The following KCNK13 variants were observed in gnomAD, a reference collection of about 807,000 sequenced individuals.
The protein encoded by KCNK13 is potassium channel subfamily K member 13.
A neutral mutation model predicts 23.4 loss-of-function variants in KCNK13; 12 were observed. The ratio of observed to expected loss-of-function variants is 0.51; its 90% CI spans 0.33 to 0.83. The LOEUF (loss-of-function observed/expected upper bound fraction) is 0.83. Among genes scored for constraint, KCNK13 ranks in the 40% least tolerant of loss-of-function variants. The probability of loss-of-function intolerance (pLI) is 0.02; values close to 1 mark genes in which losing one functional copy is unlikely to be tolerated. For synonymous variants in KCNK13, 231 were observed against 229.5 expected (o/e 1.01, Z -0.06); for missense variants, 463 against 556.3 (o/e 0.83, Z 1.69).
Position 90,168,236 on chromosome 14 carries a change from T to C in KCNK13, c.335-15875T>C, listed in dbSNP as rs957744911. On this transcript the variant is annotated intron_variant, in intron 1 of 1. Transcript: ENST00000282146. ...AAAAGATACAAAAATTAGTCAGGCA[T>C]GGTGGTGTGTGCCTGTAGTCCCAGC... Among the ~76,000 whole-genome samples the C allele has an allele frequency of 2.6e-5, 4 of 152,100 alleles. No individual in the cohort carries two copies. The South Asian group carries it at 6.2e-4, about 24-fold the overall frequency.
intron 1 of KCNK13, among the ~76,000 whole-genome samples, chr14:90,135,226 A>G (rs1307356447): frequency 6.6e-6 from 1 of 152,222 alleles, no homozygotes; most frequent in Non-Finnish European, 1.5e-5. Context: ...AGTGGGTTTC[A>G]TGAAAGAAAA....
chr14:90,163,775 C>T lies in KCNK13; in HGVS notation c.335-20336C>T, dbSNP rs560188939. Among the ~76,000 whole-genome samples, 650 of 152,268 alleles carry T rather than the reference C, an allele frequency of 4.3e-3. 9 individuals are homozygous for T. Among genetic ancestry groups the T allele is most frequent in the Middle Eastern group, 0.01 (3 of 294 alleles). On this transcript the variant is annotated intron_variant, in intron 1 of 1. Coordinates refer to ENST00000282146, the MANE Select transcript of KCNK13 (RefSeq NM_022054.4). Reference sequence around the variant, plus strand: ...TGCAATCTCGGCTCACTGCAGCCTCCGCCTCCTGGGTTCAAGCGATTCTCC... The same window carrying T: ...TGCAATCTCGGCTCACTGCAGCCTCTGCCTCCTGGGTTCAAGCGATTCTCC...
At chr14:90,165,721 A>T (rs866873365) in intron 1 of KCNK13, among the ~76,000 whole-genome samples, 68 of 152,344 alleles carry the variant, frequency 4.5e-4, no homozygotes, top group African/African-American at 1.6e-3. Flanking sequence ...CCTCCTTGAG[A>T]TAAGTAAATC....
chr14:90,119,928 T>C (rs1185632695), intron 1 of KCNK13, among the ~76,000 whole-genome samples: 3 of 152,154 alleles, frequency 2.0e-5, no homozygotes, highest in Non-Finnish European at 4.4e-5. Context: ...TTAAAAAAAA[T>C]TTAGGTTCAG....
intron 1 of KCNK13, among the ~76,000 whole-genome samples, chr14:90,125,326 C>T (rs1326384528): frequency 1.3e-5 from 2 of 151,692 alleles, no homozygotes; most frequent in Non-Finnish European, 2.9e-5. Flanking sequence ...TGGGTTCACA[C>T]CATTCTCCTG....
At chr14:90,130,112 T>C (rs1235359533) in intron 1 of KCNK13, among the ~76,000 whole-genome samples, 1 of 152,196 alleles carries the variant, frequency 6.6e-6, no homozygotes, top group Non-Finnish European at 1.5e-5. Context: ...CTGAAATTGC[T>C]TGTGACAGAT....
At chr14:90,183,606 T>A (rs1890511839) in intron 1 of KCNK13, among the ~76,000 whole-genome samples, 1 of 152,200 alleles carries the variant, frequency 6.6e-6, no homozygotes, top group Non-Finnish European at 1.5e-5. Flanking sequence ...TAGGGCTCCA[T>A]GAGGGCAGGG....
chr14:90,106,763 T>G (rs1325341889), intron 1 of KCNK13, among the ~76,000 whole-genome samples: 1 of 152,164 alleles, frequency 6.6e-6, no homozygotes, highest in African/African-American at 2.4e-5. Flanking sequence ...GGCTCATACC[T>G]GTAATCCCAG....
At chr14:90,168,962 A>G (rs968450232) in intron 1 of KCNK13, among the ~76,000 whole-genome samples, 1 of 152,186 alleles carries the variant, frequency 6.6e-6, no homozygotes, top group Non-Finnish European at 1.5e-5. Context: ...CATGTAAGAC[A>G]TGACTTTGCT....
intron 1 of KCNK13, among the ~76,000 whole-genome samples, chr14:90,129,444 G>A (rs1433105450): frequency 6.6e-6 from 1 of 152,130 alleles, no homozygotes; most frequent in Non-Finnish European, 1.5e-5. Flanking sequence ...CAGTACTTCT[G>A]ATTCACTGGG....
intron 1 of KCNK13, among the ~76,000 whole-genome samples, chr14:90,173,585 G>C (rs747509865): frequency 4.2e-4 from 64 of 152,108 alleles, no homozygotes; most frequent in Non-Finnish European, 8.1e-4. Flanking sequence ...TCCACACCAG[G>C]GTTTGAAATG....
At chr14:90,155,882 G>A (rs56144716) in intron 1 of KCNK13, among the ~76,000 whole-genome samples, 64,513 of 151,876 alleles carry the variant, frequency 0.42, 14,787 homozygotes, top group East Asian at 0.87. Context: ...TATGGAGTTC[G>A]GCAGAATGAG....
intron 1 of KCNK13, among the ~76,000 whole-genome samples, chr14:90,116,330 G>T (rs1218496946): frequency 6.6e-6 from 1 of 152,150 alleles, no homozygotes; most frequent in African/African-American, 2.4e-5. Context: ...TTGGCAATTT[G>T]CTCATAAATA....
At chr14:90,097,220 G>A (rs1325073588) in intron 1 of KCNK13, among the ~76,000 whole-genome samples, 1 of 152,106 alleles carries the variant, frequency 6.6e-6, no homozygotes, top group Non-Finnish European at 1.5e-5. Context: ...AAAGAAAAGA[G>A]GTTTCTTTAG....
At chr14:90,064,172 G>A (rs1484113587) in intron 1 of KCNK13, among the ~76,000 whole-genome samples, 2 of 152,196 alleles carry the variant, frequency 1.3e-5, no homozygotes, top group African/African-American at 4.8e-5. Flanking sequence ...GACTTGGGAT[G>A]AACAAACTGA....
intron 1 of KCNK13, among the ~76,000 whole-genome samples, chr14:90,156,861 G>A (rs1596803300): frequency 1.3e-5 from 2 of 152,198 alleles, no homozygotes; most frequent in African/African-American, 2.4e-5. Flanking sequence ...GCAAGCTGGA[G>A]CCTTCTAGCC....
At chr14:90,073,966 C>T (rs1010295519) in intron 1 of KCNK13, among the ~76,000 whole-genome samples, 53 of 151,328 alleles carry the variant, frequency 3.5e-4, no homozygotes, top group African/African-American at 5.1e-4. Flanking sequence ...TGAGCCACTG[C>T]GCCCGACCAA....
intron 1 of KCNK13, among the ~76,000 whole-genome samples, chr14:90,076,066 C>G (rs1889131024): frequency 6.6e-6 from 1 of 152,190 alleles, no homozygotes; most frequent in African/African-American, 2.4e-5. Flanking sequence ...CTGTCTGGTG[C>G]TTTTCTTACT....
At chr14:90,149,996 C>G (rs1890116797) in intron 1 of KCNK13, among the ~76,000 whole-genome samples, 1 of 150,722 alleles carries the variant, frequency 6.6e-6, no homozygotes, top group African/African-American at 2.4e-5. Context: ...GTAAAGTGAA[C>G]CAGCAATTAC....
Sources: gnomAD v4.1 joint callset for allele counts (sites outside exome capture counted in the v4.1 genomes callset) on GRCh38, gnomAD v4.1.1 for gene constraint, MANE v1.5 for transcripts, NCBI Gene and HGNC (gene_info 2026-07-23, HGNC 2026-07-21) for gene names.